HSPA12A: variants seen among roughly 807,000 people sequenced by gnomAD.
HSPA12A encodes the protein heat shock protein family A (Hsp70) member 12A.
A neutral mutation model predicts 69.2 loss-of-function variants in HSPA12A; 28 were observed. The observed-to-expected ratio is 0.40, with a 90% CI of 0.30 to 0.55. HSPA12A has a LOEUF of 0.55. HSPA12A is among the 20% of genes least tolerant of loss of function. HSPA12A has a pLI of 0.38. For missense variants in HSPA12A, 686 were observed against 900.7 expected, an observed-to-expected ratio of 0.76 and a Z score of 3.05; for synonymous variants, 345 against 370.5, an observed-to-expected ratio of 0.93 and a Z score of 0.79.
intron 1 of HSPA12A, among the ~76,000 whole-genome samples, chr10:116,729,739 A>G (rs1399428901): frequency 6.6e-6 from 1 of 152,354 alleles, no homozygotes; most frequent in Middle Eastern, 3.4e-3. Flanking sequence ...ATTCAAGGCC[A>G]TGTTGTTCAA....
intron 2 of HSPA12A, among the ~76,000 whole-genome samples, chr10:116,833,744 T>C (rs1845661456): frequency 6.6e-6 from 1 of 152,236 alleles, no homozygotes; most frequent in African/African-American, 2.4e-5. Context: ...TTCATGGTTT[T>C]CTCCTTAAGC....
intron 2 of HSPA12A, among the ~76,000 whole-genome samples, chr10:116,795,414 C>T (rs1844797211): frequency 1.3e-5 from 2 of 151,954 alleles, no homozygotes; most frequent in South Asian, 4.1e-4. Context: ...CATGGTGGCT[C>T]ATGCCTGTAA....
At chr10:116,725,746 CTG>C (rs1180008138) in intron 1 of HSPA12A, among the ~76,000 whole-genome samples, 1 of 152,068 alleles carries the variant, frequency 6.6e-6, no homozygotes, top group African/African-American at 2.4e-5. Context: ...GCCAGGGTGA[CTG>C]TATTTTTGGC....
At chr10:116,822,521 A>T (rs1845424530) in intron 2 of HSPA12A, among the ~76,000 whole-genome samples, 1 of 152,190 alleles carries the variant, frequency 6.6e-6, no homozygotes, top group Admixed American at 6.5e-5. Context: ...AATGAGGGAG[A>T]TCAAGAGTTT....
chr10:116,697,714 CCA>C (rs1554881043), intron 5 of HSPA12A, among the ~76,000 whole-genome samples: 1 of 152,136 alleles, frequency 6.6e-6, no homozygotes, highest in African/African-American at 2.4e-5. Flanking sequence ...CATAAAATTC[CCA>C]GTTATAAAGT....
intron 2 of HSPA12A, among the ~76,000 whole-genome samples, chr10:116,796,014 G>A (rs575115290): frequency 3.3e-5 from 5 of 151,010 alleles, no homozygotes; most frequent in Non-Finnish European, 5.9e-5. Context: ...CGGGCGTGGT[G>A]GTGGGTGCCT....
chr10:116,713,011 T>TATATATATATATATATATATATATATA (rs1554883335), intron 1 of HSPA12A, among the ~76,000 whole-genome samples: 86 of 131,004 alleles, frequency 6.6e-4, no homozygotes, highest in African/African-American at 1.0e-3. Context: ...TATATATATA[T>TATATATATATATATATATATATATATA]TTGCATTTCT....
chr10:116,764,733 G>A (rs1554889598), intron 2 of HSPA12A, among the ~76,000 whole-genome samples: 1 of 151,766 alleles, frequency 6.6e-6, no homozygotes, highest in Non-Finnish European at 1.5e-5. Context: ...AAATCCAAAG[G>A]GTTTTTAAAG....
chr10:116,696,951 G>C (rs890088784), intron 5 of HSPA12A, among the ~76,000 whole-genome samples: 1 of 151,932 alleles, frequency 6.6e-6, no homozygotes, highest in Non-Finnish European at 1.5e-5. Context: ...AGCCTTCCAT[G>C]ATGCTCCCCA....
intron 5 of HSPA12A, among the ~76,000 whole-genome samples, chr10:116,695,006 C>A (rs1318284378): frequency 6.6e-6 from 1 of 152,086 alleles, no homozygotes; most frequent in African/African-American, 2.4e-5. Context: ...CCTCCCCTGT[C>A]CCCTTGTCCC....
At chr10:116,696,406 C>A (rs1849905747) in intron 5 of HSPA12A, among the ~76,000 whole-genome samples, 1 of 152,112 alleles carries the variant, frequency 6.6e-6, no homozygotes, top group African/African-American at 2.4e-5. Context: ...GAATAAGTCT[C>A]ACGAGATCTG....
chr10:116,679,157 A>G (rs546480616), intron 10 of HSPA12A, among the ~76,000 whole-genome samples: 26 of 152,204 alleles, frequency 1.7e-4, no homozygotes, highest in Non-Finnish European at 3.5e-4. Flanking sequence ...GTTCTCTTCT[A>G]GACACTGGGG....
In HSPA12A at chr10:116,692,362, C is replaced by T; in HGVS notation, c.652G>A (p.Ala218Thr). 1 of 1,613,878 alleles carries T rather than the reference C, an allele frequency of 6.2e-7. No homozygotes were observed. Among genetic ancestry groups the T allele is most frequent in the South Asian group, 1.1e-5 (1 of 91,070 alleles). Residue 218 changes from alanine (A) to threonine (T), a missense_variant, in exon 6 of 12, where the codon GCT becomes ACT. Coordinates refer to ENST00000369209, the MANE Select transcript of HSPA12A (RefSeq NM_025015.3). ...KQPAKQFMRQAAYQAGLASPE... is the reference protein window; with the variant it reads ...KQPAKQFMRQTAYQAGLASPE... ...GACTCTACCCTCACCTGGTAGGCAGCTTGTCTCATGAACTGCTTGGCCGGC... is the reference window on the plus strand; with the variant it reads ...GACTCTACCCTCACCTGGTAGGCAGTTTGTCTCATGAACTGCTTGGCCGGC...
intron 2 of HSPA12A, among the ~76,000 whole-genome samples, chr10:116,810,192 C>T (rs1295443178): frequency 1.3e-5 from 2 of 152,136 alleles, no homozygotes; most frequent in Non-Finnish European, 2.9e-5. Context: ...TTATTAATTT[C>T]GATTCTCTGG....
chr10:116,772,502 C>T (rs1346597936), intron 2 of HSPA12A, among the ~76,000 whole-genome samples: 1 of 152,246 alleles, frequency 6.6e-6, no homozygotes, highest in East Asian at 1.9e-4. Context: ...TGTAACAGCC[C>T]TTTTGCAGAT....
chr10:116,742,601 G>T (rs1200219055), upstream of HSPA12A: 11 of 1,094,832 alleles, frequency 1.0e-5, no homozygotes, highest in Non-Finnish European at 1.2e-5. Flanking sequence ...GCTCTGACGC[G>T]GCAGCCGCCG....
chr10:116,766,018 A>G (rs986345387), intron 2 of HSPA12A, among the ~76,000 whole-genome samples: 2 of 152,116 alleles, frequency 1.3e-5, no homozygotes, highest in Non-Finnish European at 2.9e-5. Context: ...CCCTTCATGC[A>G]ACCAGGTCCT....
chr10:116,806,850 G>A (rs901226962), intron 2 of HSPA12A, among the ~76,000 whole-genome samples: 1 of 152,244 alleles, frequency 6.6e-6, no homozygotes, highest in Non-Finnish European at 1.5e-5. Context: ...TGGAGCCTGT[G>A]AATGTTATGT....
At chr10:116,816,769 T>C (rs1027986360) in intron 2 of HSPA12A, among the ~76,000 whole-genome samples, 2 of 152,208 alleles carry the variant, frequency 1.3e-5, no homozygotes, top group African/African-American at 4.8e-5. Context: ...GGGTTAAAAT[T>C]GCCTGGAGCC....
Sources: allele counts gnomAD v4.1 joint callset (sites outside exome capture counted in the v4.1 genomes callset), GRCh38; gene constraint gnomAD v4.1.1; transcripts MANE v1.5; gene names NCBI Gene and HGNC (gene_info 2026-07-23, HGNC 2026-07-21).